The following CCDC158 variants were observed in gnomAD, a reference collection of about 807,000 sequenced individuals.
CCDC158 encodes the protein coiled-coil domain containing 158, also known as coiled-coil domain-containing protein 158.
In CCDC158, 116 loss-of-function variants were observed where a neutral mutation model predicts 138.6. The observed-to-expected ratio is 0.84, with a 90% CI of 0.72 to 0.98. The LOEUF (loss-of-function observed/expected upper bound fraction) is 0.98. Among genes scored for constraint, CCDC158 ranks in the 50% least tolerant of loss-of-function variants. The pLI is 0.00. For missense variants in CCDC158, 1,265 were observed against 1,306.1 expected, an observed-to-expected ratio of 0.97 and a Z score of 0.48; for synonymous variants, 436 against 442.4, an observed-to-expected ratio of 0.99 and a Z score of 0.18.
intron 14 of CCDC158, among the ~76,000 whole-genome samples, chr4:76,356,254 T>C (rs1367471847): frequency 6.6e-6 from 1 of 152,182 alleles, no homozygotes; most frequent in African/African-American, 2.4e-5. Flanking sequence ...AAACTGACAC[T>C]GTATATTGAT....
intron 12 of CCDC158, 145 bp from the exon 13 acceptor site, chr4:76,362,460 T>C: frequency 1.9e-6 from 1 of 530,610 alleles, no homozygotes; most frequent in Non-Finnish European, 3.3e-6. Flanking sequence ...GTATTCCATC[T>C]ATATTTATTA....
intron 20 of CCDC158, 21 bp from the exon 21 acceptor site, chr4:76,331,424 G>T (rs1721002596): frequency 6.2e-7 from 1 of 1,602,640 alleles, no homozygotes; most frequent in South Asian, 1.1e-5. Flanking sequence ...AGGGATGGGA[G>T]AAATCACAGT....
At chr4:76,404,175 A>G (rs1728633380) in intron 2 of CCDC158, among the ~76,000 whole-genome samples, 1 of 152,172 alleles carries the variant, frequency 6.6e-6, no homozygotes, top group Non-Finnish European at 1.5e-5. Flanking sequence ...CAGCAGAAGC[A>G]AAACACAAGC....
intron 21 of CCDC158, among the ~76,000 whole-genome samples, chr4:76,331,020 C>G (rs899830486): frequency 6.6e-6 from 1 of 152,132 alleles, no homozygotes; most frequent in African/African-American, 2.4e-5. Flanking sequence ...GAAGATACAG[C>G]AATGAATTAG....
intron 23 of CCDC158, 150 bp downstream of exon 23, chr4:76,325,707 T>C (rs914310194): frequency 1.8e-6 from 1 of 542,426 alleles, no homozygotes; most frequent in Admixed American, 3.7e-5. Context: ...AGCTGTTCTA[T>C]TTAAAAAAGA....
intron 9 of CCDC158, among the ~76,000 whole-genome samples, chr4:76,373,776 T>C (rs2110266464): frequency 6.6e-6 from 1 of 152,316 alleles, no homozygotes; most frequent in African/African-American, 2.4e-5. Context: ...ATTGGCTATA[T>C]TCCTAAACTG....
intron 18 of CCDC158, 40 bp downstream of exon 18, chr4:76,350,954 CAT>C: frequency 6.3e-7 from 1 of 1,577,606 alleles, no homozygotes. Flanking sequence ...ATTACTTACG[CAT>C]ATGTCATTTG....
chr4:76,349,455 G>C (rs1722856978), intron 18 of CCDC158, among the ~76,000 whole-genome samples: 2 of 152,254 alleles, frequency 1.3e-5, no homozygotes, highest in African/African-American at 4.8e-5. Context: ...GATTGCTTGA[G>C]CCCAGGAGTT....
chr4:76,360,898 T>A (rs1371684526), intron 13 of CCDC158, among the ~76,000 whole-genome samples: 2 of 152,146 alleles, frequency 1.3e-5, no homozygotes, highest in Non-Finnish European at 2.9e-5. Context: ...AAGAAGGACA[T>A]AAGATTTGGG....
intron 9 of CCDC158, among the ~76,000 whole-genome samples, chr4:76,373,572 G>T (rs1579009526): frequency 6.6e-6 from 1 of 152,036 alleles, no homozygotes; most frequent in Non-Finnish European, 1.5e-5. Flanking sequence ...TATTTTTAAA[G>T]ATCTTCACTT....
chr4:76,375,416 AAGGGATGCTAC>A, intron 9 of CCDC158: 1 of 492,622 alleles, frequency 2.0e-6, no homozygotes, highest in Non-Finnish European at 3.6e-6. Flanking sequence ...ATGGAATAAT[AAGGGATGCTAC>A]AGGCCAGCAT....
rs184567649 is a variant in CCDC158, at chr4:76,344,746, C to A, written c.2664+6250G>T. The A allele has an allele frequency of 5.8e-4, 938 of 1,613,454 alleles. 6 individuals are homozygous for A. In the African/African-American group the frequency reaches 0.01, roughly 18 times the overall value. On this transcript the variant is annotated intron_variant, in intron 18 of 24. Transcript: ENST00000682701. ...CTACATGACACTCTTATTGAAACAACAGACTATGCTGGGCTTATTATTCCA... is the reference window on the plus strand; with the variant it reads ...CTACATGACACTCTTATTGAAACAAAAGACTATGCTGGGCTTATTATTCCA...
Position 76,384,097 on chromosome 4 carries a change from C to T in CCDC158, c.717G>A (p.Arg239=), listed in dbSNP as rs1579040806. The T allele has an allele frequency of 6.3e-7, 1 of 1,594,972 alleles. No homozygotes were observed. Among genetic ancestry groups the T allele is most frequent in the Admixed American group, 1.7e-5 (1 of 59,590 alleles). ...CATTCTCACCACTTACTGGAAATAT[C>T]CTCCCTTTAAGATAAGAAATCTCTG... ...LDTEISYLKG[R]IFPVEDQLEA... The change falls in exon 6 of 25, where the codon AGG becomes AGA. Residue 239 remains arginine (R), a synonymous_variant. Transcript: ENST00000682701.
Position 76,325,937 on chromosome 4 carries a change from G to A in CCDC158, c.3089C>T (p.Thr1030Ile), listed in dbSNP as rs576903605. The change falls in exon 23 of 25, where the codon ACT becomes ATT. Residue 1030 changes from threonine to isoleucine, a missense_variant. By Grantham distance (89) the Thr-to-Ile change is moderately conservative. Coordinates refer to ENST00000682701, the MANE Select transcript of CCDC158 (RefSeq NM_001394954.1). ...PKKSPVHSLL[T>I]SSVEGSIGST... is the part of the protein sequence containing the mutation. ...ACCTATTGAACCTTCAACTGAACTA[G>A]TTAGGAGTGAGTGCACTGGAGACTT... 20 of 1,613,466 alleles carry A rather than the reference G, an allele frequency of 1.2e-5. No homozygotes were observed. Among genetic ancestry groups the A allele is most frequent in the African/African-American group, 4.0e-5 (3 of 75,042 alleles).
chr4:76,345,344 C>G (rs1722444761), intron 18 of CCDC158: 2 of 1,117,950 alleles, frequency 1.8e-6, no homozygotes, highest in Non-Finnish European at 2.7e-6. Context: ...AGAACTCAAA[C>G]AAAGCTCTGG....
At chr4:76,375,305 T>C (rs1244667005) in intron 9 of CCDC158, 5 of 384,908 alleles carry the variant, frequency 1.3e-5, no homozygotes, top group African/African-American at 4.1e-5. Flanking sequence ...TAATCTCACA[T>C]TGATTTTAGA....
chr4:76,385,699 C>T lies in CCDC158; in HGVS notation c.289-1034G>A, dbSNP rs138647732. Among the ~76,000 whole-genome samples the T allele has an allele frequency of 7.3e-3, 1,107 of 151,698 alleles. 11 individuals carry two copies. Among genetic ancestry groups the T allele is most frequent in the African/African-American group, 0.026 (1,056 of 41,336 alleles). ...AACTGAAAAAACAGAAGAAAGGAAA[C>T]GGCCAAAGAAAAAAACGCAACTGAA... On this transcript the variant is annotated intron_variant, in intron 4 of 24. Transcript: ENST00000682701.
intron 4 of CCDC158, among the ~76,000 whole-genome samples, chr4:76,386,124 G>A (rs1424615296): frequency 2.0e-5 from 3 of 152,204 alleles, no homozygotes; most frequent in African/African-American, 7.2e-5. Context: ...GAAGCAGATC[G>A]AGAAAGAAGA....
At chr4:76,372,827 G>A (rs17001847) in intron 9 of CCDC158, among the ~76,000 whole-genome samples, 2,297 of 152,054 alleles carry the variant, frequency 0.015, 53 homozygotes, top group African/African-American at 0.053. Flanking sequence ...GCCATAAAGT[G>A]CATGACTGTT....
Sources: allele counts gnomAD v4.1 joint callset (sites outside exome capture counted in the v4.1 genomes callset), GRCh38; gene constraint gnomAD v4.1.1; transcripts MANE v1.5; gene names NCBI Gene and HGNC (gene_info 2026-07-23, HGNC 2026-07-21).